Variants in SND1 observed in about 807,000 individuals in gnomAD.
SND1 encodes the protein staphylococcal nuclease and tudor domain containing 1, also known as staphylococcal nuclease domain-containing protein 1.
A neutral mutation model predicts 121.7 loss-of-function variants in SND1; 38 were observed. The ratio of observed to expected loss-of-function variants is 0.31; its 90% CI spans 0.24 to 0.41. SND1 has a LOEUF of 0.41. SND1 is among the 10% of genes least tolerant of loss of function. The pLI, the probability that SND1 is intolerant of heterozygous loss-of-function variation, is 1.00. For synonymous variants in SND1, 401 were observed against 447.4 expected (o/e 0.90, Z 1.31); for missense variants, 868 against 1,184.6 (o/e 0.73, Z 3.92).
Position 127,844,484 on chromosome 7 carries a change from T to C in SND1, c.1343+60T>C. 6.8e-6 allele frequency: 9 copies of C among 1,318,800 alleles called. No individual in the cohort carries two copies. The Middle Eastern group carries it at 5.5e-4, about 81-fold the overall frequency. 81.7% of individuals were successfully genotyped at this position (1,318,800 alleles called of 1,614,324 possible). A position where few individuals can be genotyped will look rare whatever the true frequency, so the allele number is the denominator to read the frequency against. ...TCTCAAGTAGCTAAGAGTTCTTTGC[T>C]CATTTGAATCTTTCCTTCCTTTCAC... On this transcript the variant is annotated intron_variant, in intron 12 of 23. Coordinates refer to ENST00000354725, the MANE Select transcript of SND1 (RefSeq NM_014390.4).
At chr7:127,745,131 A>G (rs1796956665) in intron 10 of SND1, among the ~76,000 whole-genome samples, 1 of 152,208 alleles carries the variant, frequency 6.6e-6, no homozygotes, top group Admixed American at 6.5e-5. Flanking sequence ...TACGTTCTTG[A>G]GAAGTGGGTC....
chr7:127,909,762 G>A (rs1800416468), intron 14 of SND1, among the ~76,000 whole-genome samples: 1 of 152,208 alleles, frequency 6.6e-6, no homozygotes, highest in Non-Finnish European at 1.5e-5. Context: ...GAATGATCCA[G>A]TGACTAGCTT....
At chr7:127,688,152 G>A (rs1795849128) in intron 2 of SND1, among the ~76,000 whole-genome samples, 1 of 152,046 alleles carries the variant, frequency 6.6e-6, no homozygotes, top group African/African-American at 2.4e-5. Flanking sequence ...TTGTTTTATG[G>A]TTATTTGAGA....
At chr7:127,896,456 A>C (rs1186474024) in intron 13 of SND1, among the ~76,000 whole-genome samples, 1 of 152,130 alleles carries the variant, frequency 6.6e-6, no homozygotes, top group African/African-American at 2.4e-5. Flanking sequence ...TATCGCTCGG[A>C]AACTTGTTAG....
chr7:127,924,006 C>A (rs1007160048), intron 14 of SND1, among the ~76,000 whole-genome samples: 2 of 148,386 alleles, frequency 1.3e-5, no homozygotes, highest in Non-Finnish European at 3.0e-5. Context: ...TTTCCTGTGT[C>A]TGTCCTCTTG....
chr7:127,904,703 T>G, intron 13 of SND1, 44 bp from the exon 14 acceptor site: 8 of 1,338,118 alleles, frequency 6.0e-6, no homozygotes, highest in Non-Finnish European at 8.6e-6. Flanking sequence ...CCCCTTCCCA[T>G]TGTGATTCTT....
At chr7:127,924,393 A>G (rs1221582973) in intron 14 of SND1, among the ~76,000 whole-genome samples, 1 of 152,188 alleles carries the variant, frequency 6.6e-6, no homozygotes, top group African/African-American at 2.4e-5. Context: ...CTGAGTGGTT[A>G]ATTGTTAACT....
intron 12 of SND1, among the ~76,000 whole-genome samples, chr7:127,850,801 A>C (rs1799151371): frequency 1.3e-5 from 2 of 152,208 alleles, no homozygotes; most frequent in Admixed American, 6.5e-5. Flanking sequence ...CATTCTGAGG[A>C]CATCAGAAAC....
At chr7:128,088,783 CAG>C (rs1055747387) in intron 21 of SND1, among the ~76,000 whole-genome samples, 6 of 151,252 alleles carry the variant, frequency 4.0e-5, no homozygotes, top group Non-Finnish European at 7.4e-5. Flanking sequence ...AAAAAAAAGA[CAG>C]AGACACAGGA....
intron 14 of SND1, among the ~76,000 whole-genome samples, chr7:127,923,917 TC>T (rs1339427590): frequency 6.6e-6 from 1 of 151,872 alleles, no homozygotes; most frequent in Non-Finnish European, 1.5e-5. Context: ...GTCCTCTTGT[TC>T]ACAAGGATTT....
chr7:127,659,540 C>T (rs1324005507), intron 1 of SND1, among the ~76,000 whole-genome samples: 1 of 152,174 alleles, frequency 6.6e-6, no homozygotes, highest in African/African-American at 2.4e-5. Flanking sequence ...TATTCCTCAA[C>T]AAATTTTGAG....
At chr7:127,736,062 C>A (rs934229220) in intron 10 of SND1, among the ~76,000 whole-genome samples, 15 of 152,310 alleles carry the variant, frequency 9.8e-5, no homozygotes, top group African/African-American at 2.6e-4. Flanking sequence ...CAATACTAGT[C>A]ATTTTTGTAC....
At chr7:127,742,179 T>C (rs1272420150) in intron 10 of SND1, among the ~76,000 whole-genome samples, 1 of 152,204 alleles carries the variant, frequency 6.6e-6, no homozygotes, top group Non-Finnish European at 1.5e-5. Flanking sequence ...AAAGTCTGCA[T>C]GAACACTGGG....
At chr7:127,698,677 A>G (rs572466137) in intron 3 of SND1, among the ~76,000 whole-genome samples, 198 bp from the exon 4 acceptor site, 1 of 152,306 alleles carries the variant, frequency 6.6e-6, no homozygotes, top group South Asian at 2.1e-4. Context: ...AGATTGATAG[A>G]ACTTTGGGTC....
chr7:127,742,753 G>A (rs559438736), intron 10 of SND1, among the ~76,000 whole-genome samples: 1 of 152,268 alleles, frequency 6.6e-6, no homozygotes, highest in South Asian at 2.1e-4. Context: ...TAGGCATGAG[G>A]AGGGGCACAA....
intron 10 of SND1, among the ~76,000 whole-genome samples, chr7:127,777,270 T>C (rs907797519): frequency 6.6e-6 from 1 of 152,206 alleles, no homozygotes; most frequent in Non-Finnish European, 1.5e-5. Context: ...CAGTAGGGAC[T>C]GAAAAAACAT....
chr7:127,740,177 A>T (rs531320081), intron 10 of SND1, among the ~76,000 whole-genome samples: 217 of 152,318 alleles, frequency 1.4e-3, no homozygotes, highest in African/African-American at 3.8e-3. Flanking sequence ...CTGTAAGGGT[A>T]ACTGGCTATA....
intron 15 of SND1, chr7:127,949,113 C>T (rs898647666): frequency 6.6e-6 from 1 of 152,154 alleles, no homozygotes; most frequent in Non-Finnish European, 1.5e-5. Flanking sequence ...TTCCCTGACT[C>T]ATTTTACATG....
At chr7:127,690,279 C>G (rs1795891054) in intron 2 of SND1, among the ~76,000 whole-genome samples, 2 of 152,186 alleles carry the variant, frequency 1.3e-5, no homozygotes, top group Non-Finnish European at 2.9e-5. Flanking sequence ...GCCTGGGTTA[C>G]AAGCGCATTT....
Sources: gnomAD v4.1 joint callset for allele counts (sites outside exome capture counted in the v4.1 genomes callset) on GRCh38, gnomAD v4.1.1 for gene constraint, MANE v1.5 for transcripts, NCBI Gene and HGNC (gene_info 2026-07-23, HGNC 2026-07-21) for gene names.